CXADR: variants seen among roughly 807,000 people sequenced by gnomAD.
CXADR encodes the protein coxsackievirus and adenovirus receptor.
In CXADR, 20 loss-of-function variants were observed where a neutral mutation model predicts 40.3. The observed-to-expected ratio is 0.50, with a 90% CI of 0.35 to 0.72. The LOEUF (loss-of-function observed/expected upper bound fraction) is 0.72. Ranked by LOEUF, CXADR falls within the 30% of genes least tolerant of loss-of-function variation. CXADR has a pLI of 0.01. For synonymous variants in CXADR, 150 were observed against 161.3 expected (o/e 0.93, Z 0.53); for missense variants, 332 against 449.1 (o/e 0.74, Z 2.36).
downstream of CXADR, among the ~76,000 whole-genome samples, chr21:17,571,153 C>G (rs2824367): frequency 0.25 from 37,870 of 152,012 alleles, 5,108 homozygotes; most frequent in African/African-American, 0.36. Flanking sequence ...TTCTACTCGG[C>G]GATTAAAAGG....
intron 6 of CXADR, among the ~76,000 whole-genome samples, chr21:17,562,672 C>G (rs2061140606): frequency 1.3e-5 from 2 of 152,222 alleles, no homozygotes; most frequent in South Asian, 2.1e-4. Flanking sequence ...TGTTTTGTCT[C>G]TATTGAAAAT....
chr21:17,632,830 G>A, the CXADR span, among the ~76,000 whole-genome samples: 3,813 of 152,142 alleles, frequency 0.025, 87 homozygotes, highest in African/African-American at 0.042. Flanking sequence ...GATCGCCACC[G>A]CACTCCAGCC....
chr21:17,570,320 A>G (rs1194545450), downstream of CXADR, among the ~76,000 whole-genome samples: 2 of 152,204 alleles, frequency 1.3e-5, no homozygotes, highest in East Asian at 3.8e-4. Flanking sequence ...ATATAACAGT[A>G]TATACTATTT....
chr21:17,519,940 C>A (rs962028309), intron 1 of CXADR, among the ~76,000 whole-genome samples: 2 of 152,016 alleles, frequency 1.3e-5, no homozygotes, highest in South Asian at 2.1e-4. Context: ...GCCTGGGTGA[C>A]AGAGCGAGAC....
At chr21:17,520,007 A>G (rs1204859395) in intron 1 of CXADR, among the ~76,000 whole-genome samples, 1 of 152,078 alleles carries the variant, frequency 6.6e-6, no homozygotes, top group Non-Finnish European at 1.5e-5. Context: ...GCACATGCAC[A>G]CACACACATA....
intron 1 of CXADR, among the ~76,000 whole-genome samples, chr21:17,539,353 C>CT (rs1275403082): frequency 6.6e-6 from 1 of 152,124 alleles, no homozygotes; most frequent in Non-Finnish European, 1.5e-5. Flanking sequence ...CTGGTTTGTG[C>CT]TTTCCTTATT....
intron 2 of CXADR, among the ~76,000 whole-genome samples, chr21:17,548,558 C>T (rs912445088): frequency 1.3e-5 from 2 of 152,210 alleles, no homozygotes; most frequent in East Asian, 1.9e-4. Context: ...TGCAGTTCCC[C>T]GTTCCTGTGA....
In CXADR at chr21:17,559,691, T is replaced by TCC. The variant is rs1555872781; in HGVS notation, c.571+561_571+562dup. On this transcript the variant is annotated intron_variant, in intron 4 of 6. Transcript: ENST00000284878. ...TGGGTTTTTTTTTTTTTTTTTTTTTTCCGAGACAAGGGGTCTCGCTCTGTC... is the reference window on the plus strand; with the variant it reads ...TGGGTTTTTTTTTTTTTTTTTTTTTTCCCCGAGACAAGGGGTCTCGCTCTGTC... Among the ~76,000 whole-genome samples, 30 of 128,486 alleles carry TCC rather than the reference T, an allele frequency of 2.3e-4. 1 individual carries two copies. The highest frequency in any genetic ancestry group is 1.9e-3 in the East Asian group (8 of 4,290). 84.3% of individuals were successfully genotyped at this position (128,486 alleles called of 152,430 possible).
At chr21:17,610,190 T>C in the CXADR span, among the ~76,000 whole-genome samples, 1 of 152,178 alleles carries the variant, frequency 6.6e-6, no homozygotes, top group African/African-American at 2.4e-5. Flanking sequence ...AAAAGGAGCA[T>C]TGCTAATAAG....
At chr21:17,520,546 C>T (rs1470353330) in intron 1 of CXADR, among the ~76,000 whole-genome samples, 1 of 152,116 alleles carries the variant, frequency 6.6e-6, no homozygotes, top group African/African-American at 2.4e-5. Flanking sequence ...CCTAACCCCA[C>T]GGTACTAAGA....
chr21:17,582,146 A>G (rs1253500326), intron 7 of CXADR, among the ~76,000 whole-genome samples: 5 of 34 alleles, frequency 0.15, no homozygotes, highest in African/African-American at 0.31. Flanking sequence ...GGTCTCCCTG[A>G]ATTCCTGGGT....
the CXADR span, among the ~76,000 whole-genome samples, chr21:17,625,254 A>G: frequency 6.6e-6 from 1 of 152,124 alleles, no homozygotes; most frequent in African/African-American, 2.4e-5. Flanking sequence ...ATTCATAGGA[A>G]TACCATTAGT....
exon 8 of CXADR, chr21:17,593,226 T>C (rs768205917): frequency 7.2e-7 from 1 of 1,381,692 alleles, no homozygotes; most frequent in South Asian, 1.8e-5. Flanking sequence ...AAGTATTGTA[T>C]TATTTGACTT....
At chr21:17,550,315 C>T (rs2060949726) in intron 2 of CXADR, among the ~76,000 whole-genome samples, 1 of 147,720 alleles carries the variant, frequency 6.8e-6, no homozygotes, top group African/African-American at 2.5e-5. Context: ...GATCGCACCA[C>T]TGCACTCCTG....
intron 1 of CXADR, among the ~76,000 whole-genome samples, chr21:17,526,422 C>A (rs1247103688): frequency 6.6e-6 from 1 of 152,112 alleles, no homozygotes; most frequent in Non-Finnish European, 1.5e-5. Flanking sequence ...TGTATCAGCT[C>A]TCCTTATTCC....
At position 17,518,248 on chromosome 21, in the gene CXADR, A is replaced by G. The variant is rs189329617; in HGVS notation, c.43+5076A>G. 5.8e-4 allele frequency among the ~76,000 whole-genome samples: 89 copies of G among 152,144 alleles called. 1 individual carries two copies. The highest frequency in any genetic ancestry group is 2.1e-3 in the African/African-American group (89 of 41,504). The stretch of plus-strand genomic sequence containing the variant: ...CACACACATACATAAGCAAACATAC[A>G]CCAAAAATACCCCAAACCAAAAACA... On this transcript the variant is annotated intron_variant, in intron 1 of 6. Transcript: ENST00000284878.
chr21:17,577,826 G>T (rs1399866032), intron 7 of CXADR, among the ~76,000 whole-genome samples: 3 of 151,564 alleles, frequency 2.0e-5, no homozygotes, highest in African/African-American at 7.3e-5. Flanking sequence ...GTTTCTCCTG[G>T]CACTCTCTGC....
intron 1 of CXADR, among the ~76,000 whole-genome samples, chr21:17,533,788 A>C (rs1026374903): frequency 6.6e-6 from 1 of 151,702 alleles, no homozygotes. Context: ...GGGGATAGGG[A>C]GCTGGGAATT....
the CXADR span, among the ~76,000 whole-genome samples, chr21:17,605,336 G>A: frequency 2.0e-5 from 3 of 152,070 alleles, no homozygotes; most frequent in Admixed American, 1.3e-4. Context: ...GTTTCTATAG[G>A]CCAAGTTCCT....
Sources: gnomAD v4.1 joint callset for allele counts (sites outside exome capture counted in the v4.1 genomes callset) on GRCh38, gnomAD v4.1.1 for gene constraint, MANE v1.5 for transcripts, NCBI Gene and HGNC (gene_info 2026-07-23, HGNC 2026-07-21) for gene names.